The following TRPC7 variants were observed in gnomAD, a reference collection of about 807,000 sequenced individuals.
TRPC7 encodes the protein transient receptor potential cation channel subfamily C member 7, also known as short transient receptor potential channel 7.
A neutral mutation model predicts 90.1 loss-of-function variants in TRPC7; 42 were observed. The ratio of observed to expected loss-of-function variants is 0.47; its 90% CI spans 0.36 to 0.60. The LOEUF (loss-of-function observed/expected upper bound fraction) is 0.60. Ranked by LOEUF, TRPC7 falls within the 20% of genes least tolerant of loss-of-function variation. TRPC7 has a pLI of 0.00. For missense variants in TRPC7, 955 were observed against 1,112.3 expected (o/e 0.86, Z 2.01); for synonymous variants, 451 against 436.3 (o/e 1.03, Z -0.42).
chr5:136,289,440 C>T (rs1208324291), intron 3 of TRPC7, among the ~76,000 whole-genome samples: 1 of 152,204 alleles, frequency 6.6e-6, no homozygotes, highest in Non-Finnish European at 1.5e-5. Flanking sequence ...GGGTCACTCC[C>T]ACCCTAATAC....
intron 3 of TRPC7, among the ~76,000 whole-genome samples, chr5:136,290,068 T>G (rs530339349): frequency 2.0e-5 from 3 of 152,208 alleles, no homozygotes; most frequent in South Asian, 4.1e-4. Flanking sequence ...CCAACAGACC[T>G]GCAGCTGAGG....
At chr5:136,301,209 T>G (rs1305476745) in intron 3 of TRPC7, among the ~76,000 whole-genome samples, 4 of 152,044 alleles carry the variant, frequency 2.6e-5, no homozygotes, top group Non-Finnish European at 4.4e-5. Flanking sequence ...ATATTTTTAG[T>G]AGAGATGGGG....
At position 136,274,804 on chromosome 5, in the gene TRPC7, G is replaced by A. The variant is rs1757309749; in HGVS notation, c.997C>T (p.Leu333Phe). The A allele has an allele frequency of 6.3e-7, 1 of 1,583,206 alleles. No individual in the cohort carries two copies. Among genetic ancestry groups the A allele is most frequent in the East Asian group, 2.3e-5 (1 of 43,362 alleles). The change falls in exon 4 of 12, where the codon CTT becomes TTT. Residue 333 changes from leucine to phenylalanine, a missense_variant. Leu to Phe is a conservative substitution (Grantham distance 22). Around this residue, in one of 4 missense-constraint regions of TRPC7, gnomAD observed 484 missense variants for 509.6 expected, o/e 0.95. Transcript: ENST00000513104. ...GAGAGATTTTCATACCACATGGTAA[G>A]CAATTGCTGCTGACAGTTAGGATGA... Reference protein sequence around the residue: ...VAHPNCQQQLLTMWYENLSGL... With the variant: ...VAHPNCQQQLFTMWYENLSGL...
rs190507599 is a variant in TRPC7 at position 136,213,233 on chromosome 5, A to G, written c.*202T>C. ...CTCCCATGGTAGCTTTTCTTACCCA[A>G]CCACCTAGATTCACAGCAGTTCTGG... On this transcript the variant is annotated 3_prime_UTR_variant, in exon 12 of 12. Transcript: ENST00000513104. The G allele has an allele frequency of 2.0e-4, 120 of 585,930 alleles. 1 individual carries two copies. The Middle Eastern group carries it at 7.8e-3, about 38-fold the overall frequency. The allele number at this position is 585,930 out of a possible 1,614,324, so 36.3% of individuals were successfully genotyped here. A position where few individuals can be genotyped will look rare whatever the true frequency, so the allele number is the denominator to read the frequency against.
chr5:136,258,721 C>T (rs114875687), intron 5 of TRPC7, among the ~76,000 whole-genome samples: 1,914 of 152,320 alleles, frequency 0.013, 42 homozygotes, highest in African/African-American at 0.044. Flanking sequence ...TCACTCCTAT[C>T]CCTGCCTCAG....
At chr5:136,320,560 C>T (rs1475516010) in intron 2 of TRPC7, among the ~76,000 whole-genome samples, 1 of 152,168 alleles carries the variant, frequency 6.6e-6, no homozygotes, top group Non-Finnish European at 1.5e-5. Context: ...ACATCATTCT[C>T]CCAACATTAC....
At chr5:136,289,651 C>G (rs1285942217) in intron 3 of TRPC7, among the ~76,000 whole-genome samples, 1 of 152,218 alleles carries the variant, frequency 6.6e-6, no homozygotes, top group Admixed American at 6.5e-5. Context: ...CCGGGAAGCT[C>G]GAACTGGGTG....
chr5:136,230,978 G>A (rs769465354), intron 8 of TRPC7, among the ~76,000 whole-genome samples: 22 of 152,152 alleles, frequency 1.4e-4, no homozygotes, highest in Non-Finnish European at 2.6e-4. Flanking sequence ...TGCCTAGTGC[G>A]GATTTGGCAT....
intron 3 of TRPC7, among the ~76,000 whole-genome samples, chr5:136,290,505 A>C (rs1705485749): frequency 6.6e-6 from 1 of 152,250 alleles, no homozygotes; most frequent in Admixed American, 6.5e-5. Flanking sequence ...CGCAAGCCTC[A>C]GTAACTGATG....
intron 2 of TRPC7, among the ~76,000 whole-genome samples, chr5:136,328,620 G>C (rs192347211): frequency 6.6e-6 from 1 of 152,366 alleles, no homozygotes; most frequent in Admixed American, 6.5e-5. Flanking sequence ...AATTTAGTCT[G>C]TATAATGGGG....
chr5:136,257,809 G>A (rs1756733589), intron 5 of TRPC7, among the ~76,000 whole-genome samples: 1 of 152,102 alleles, frequency 6.6e-6, no homozygotes, highest in African/African-American at 2.4e-5. Flanking sequence ...TTTTTTAATG[G>A]ATAGAAAAAT....
At chr5:136,277,449 C>A (rs1022637737) in intron 3 of TRPC7, among the ~76,000 whole-genome samples, 2 of 152,196 alleles carry the variant, frequency 1.3e-5, no homozygotes, top group Non-Finnish European at 2.9e-5. Flanking sequence ...TATCTGGGAA[C>A]CTTTCTGCAC....
Position 136,213,307 on chromosome 5 carries a change from T to C in TRPC7, c.*128A>G. The C allele has an allele frequency of 1.1e-6, 1 of 947,450 alleles. No homozygotes were observed. The highest frequency in any genetic ancestry group is 1.6e-6 in the Non-Finnish European group (1 of 635,300). The allele number at this position is 947,450 out of a possible 1,614,324, so 58.7% of individuals were successfully genotyped here. A position where few individuals can be genotyped will look rare whatever the true frequency, so the allele number is the denominator to read the frequency against. ...AGATGTCAGTCATGCTGCAAGAGAC[T>C]GAGCCAGGAGATCCCCTTCGTGTCC... On this transcript the variant is annotated 3_prime_UTR_variant, in exon 12 of 12. Coordinates refer to ENST00000513104, the MANE Select transcript of TRPC7 (RefSeq NM_020389.3).
intron 2 of TRPC7, among the ~76,000 whole-genome samples, chr5:136,355,881 AGGTGGAATGTCT>A (rs1309137977): frequency 6.6e-6 from 1 of 152,198 alleles, no homozygotes; most frequent in Non-Finnish European, 1.5e-5. Context: ...TGTCTCTTTC[AGGTGGAATGTCT>A]GTTGACAATA....
intron 2 of TRPC7, among the ~76,000 whole-genome samples, chr5:136,324,455 T>C (rs554578189): frequency 6.6e-6 from 1 of 152,322 alleles, no homozygotes; most frequent in South Asian, 2.1e-4. Flanking sequence ...GCATATTCAC[T>C]ATTTATTTCT....
At chr5:136,318,679 T>C (rs1203091081) in intron 2 of TRPC7, among the ~76,000 whole-genome samples, 2 of 152,162 alleles carry the variant, frequency 1.3e-5, no homozygotes, top group Non-Finnish European at 2.9e-5. Flanking sequence ...TTGACTCTCT[T>C]AGTTATTCCA....
intron 3 of TRPC7, among the ~76,000 whole-genome samples, chr5:136,314,700 G>A (rs1350983818): frequency 1.3e-5 from 2 of 152,136 alleles, no homozygotes; most frequent in African/African-American, 2.4e-5. Context: ...GGAAACAGAA[G>A]GAATACCCAG....
At chr5:136,323,667 ACT>A (rs1759266390) in intron 2 of TRPC7, among the ~76,000 whole-genome samples, 1 of 152,012 alleles carries the variant, frequency 6.6e-6, no homozygotes, top group East Asian at 1.9e-4. Context: ...CTATTTCTGC[ACT>A]CTCTGTTTCC....
At chr5:136,352,844 T>C (rs932098692) in intron 2 of TRPC7, among the ~76,000 whole-genome samples, 1 of 152,228 alleles carries the variant, frequency 6.6e-6, no homozygotes, top group African/African-American at 2.4e-5. Flanking sequence ...ATGGACTTTG[T>C]GCCCCCAACC....
Sources: allele counts gnomAD v4.1 joint callset (sites outside exome capture counted in the v4.1 genomes callset), GRCh38; gene constraint gnomAD v4.1.1; regional missense constraint gnomAD v4.1.1; transcripts MANE v1.5; gene names NCBI Gene and HGNC (gene_info 2026-07-23, HGNC 2026-07-21).